The following SNX32 variants were observed in gnomAD, a reference collection of about 807,000 sequenced individuals.
SNX32 encodes the protein sorting nexin 32, also known as sorting nexin-32.
SNX32 carries 58 observed loss-of-function variants against 57.0 expected under a neutral mutation model. The observed-to-expected ratio is 1.02, with a 90% CI of 0.82 to 1.27. The LOEUF is 1.27. Ranked by LOEUF, SNX32 falls within the 50% of genes most tolerant of loss-of-function variation. The pLI is 0.00. For synonymous variants in SNX32, 262 were observed against 220.4 expected (o/e 1.19, Z -1.67); for missense variants, 589 against 541.2 (o/e 1.09, Z -0.88).
In SNX32 at chr11:65,851,125, G is replaced by C; in HGVS notation, c.674G>C (p.Cys225Ser). The C allele has an allele frequency of 1.2e-6, 2 of 1,613,418 alleles. No individual in the cohort carries two copies. The highest frequency in any genetic ancestry group is 1.7e-6 in the Non-Finnish European group (2 of 1,180,010). Residue 225 changes from cysteine to serine, a missense_variant, in exon 7 of 13, where the codon TGC becomes TCC. By Grantham distance (112) the Cys-to-Ser change is moderately radical. Coordinates refer to ENST00000308342, the MANE Select transcript of SNX32 (RefSeq NM_152760.3). ...TATCACACCCGTATCCGAGATGCCT[G>C]CCTGCGGGCCGACCGCGTCATGCGC... Reference protein sequence around the residue: ...LEYHTRIRDACLRADRVMRAH... With the variant: ...LEYHTRIRDASLRADRVMRAH...
chr11:65,850,715 C>G, intron 5 of SNX32, 36 bp from the exon 6 acceptor site: 1 of 1,603,776 alleles, frequency 6.2e-7, no homozygotes, highest in Non-Finnish European at 8.5e-7. Flanking sequence ...GGTGAGAACG[C>G]CCACCCCAGC....
intron 1 of SNX32, among the ~76,000 whole-genome samples, chr11:65,834,814 G>A (rs530855938): frequency 1.4e-4 from 21 of 148,046 alleles, no homozygotes; most frequent in East Asian, 1.0e-3. Flanking sequence ...TATGGTCTGC[G>A]TGTGTCTGTG....
rs1565253300 is a variant in SNX32, at chr11:65,850,570, T to C, written c.498+16T>C. The C allele has an allele frequency of 3.1e-6, 5 of 1,594,212 alleles. No individual in the cohort carries two copies. The highest frequency in any genetic ancestry group is 4.3e-6 in the Non-Finnish European group (5 of 1,169,958). On this transcript the variant is annotated intron_variant, in intron 5 of 12. Transcript: ENST00000308342. ...TGGACAGGATGTGAGCTGGGCCGAATCCCTGGGGTCACCCTTGGGCCAGGA... is the reference window on the plus strand; with the variant it reads ...TGGACAGGATGTGAGCTGGGCCGAACCCCTGGGGTCACCCTTGGGCCAGGA...
intron 1 of SNX32, chr11:65,835,368 G>A (rs1204107588): frequency 6.6e-6 from 1 of 152,006 alleles, no homozygotes; most frequent in Non-Finnish European, 1.5e-5. Context: ...AGGAGGGCAG[G>A]ATGTTAGGGA....
intron 4 of SNX32, 74 bp from the exon 5 acceptor site, chr11:65,850,357 C>G (rs780950018): frequency 7.6e-5 from 123 of 1,612,508 alleles, no homozygotes; most frequent in Non-Finnish European, 9.3e-5. Context: ...CAACCCTGAC[C>G]TCTGACCCCA....
At chr11:65,839,225 A>T (rs10896063) in intron 1 of SNX32, among the ~76,000 whole-genome samples, 10,515 of 26,996 alleles carry the variant, frequency 0.39, 1,501 homozygotes, top group Middle Eastern at 0.47. Context: ...ATTTTTTTGT[A>T]TTTTTTTTTT....
rs148635416 is a variant in SNX32, at chr11:65,843,427, G to A, written c.37-6051G>A. Among the ~76,000 whole-genome samples, 949 of 151,964 alleles carry A rather than the reference G, an allele frequency of 6.2e-3. 1 individual carries two copies. The highest frequency in any genetic ancestry group is 0.014 in the Middle Eastern group (4 of 294). On this transcript the variant is annotated intron_variant, in intron 1 of 12. Transcript: ENST00000308342. ...CTACTAAAAATACAGAAATTAGCCA[G>A]GCGTTGTGGCGGGCACCTGTAATTG...
chr11:65,838,212 AG>A (rs1858725839), intron 1 of SNX32, among the ~76,000 whole-genome samples: 2 of 151,886 alleles, frequency 1.3e-5, no homozygotes, highest in South Asian at 4.2e-4. Flanking sequence ...AAAAGAAGGA[AG>A]GAAGGAAGGA....
Position 65,851,785 on chromosome 11 carries a change from C to T in SNX32, c.825+106C>T, listed in dbSNP as rs1048292620. On this transcript the variant is annotated intron_variant, in intron 9 of 12. Transcript: ENST00000308342. ...AGGATCATCTTGGGTTCAGTGATAA[C>T]TTGGGCCCAGTGGCAAGTTGGGCTT... is the stretch of plus-strand genomic sequence containing the variant. 1.1e-5 allele frequency: 15 copies of T among 1,333,742 alleles called. No individual in the cohort carries two copies. The African/African-American group carries it at 1.7e-4, about 15-fold the overall frequency. The allele number at this position is 1,333,742 out of a possible 1,614,324, so 82.6% of individuals were successfully genotyped here. A position where few individuals can be genotyped will look rare whatever the true frequency, so the allele number is the denominator to read the frequency against.
chr11:65,850,950 T>C, intron 6 of SNX32, 95 bp downstream of exon 6: 1 of 1,494,852 alleles, frequency 6.7e-7, no homozygotes, highest in South Asian at 1.1e-5. Context: ...AAGCCACTGG[T>C]GGGGCCTGGC....
chr11:65,840,366 A>G (rs1050778557), intron 1 of SNX32, among the ~76,000 whole-genome samples: 1 of 152,178 alleles, frequency 6.6e-6, no homozygotes, highest in Non-Finnish European at 1.5e-5. Flanking sequence ...GATTAGGAAC[A>G]TGTCATCATA....
intron 1 of SNX32, chr11:65,835,781 G>A (rs7107912): frequency 0.4 from 60,627 of 152,022 alleles, 14,240 homozygotes; most frequent in Middle Eastern, 0.6. Flanking sequence ...GGCAAGGGGA[G>A]AGCCTGCCTT....
At chr11:65,849,618 G>A (rs1328420434) in intron 2 of SNX32, 36 bp downstream of exon 2, 4 of 1,546,272 alleles carry the variant, frequency 2.6e-6, no homozygotes, top group Non-Finnish European at 3.5e-6. Context: ...AGGTCCTGGT[G>A]GCTGCCCGCA....
In SNX32 at chr11:65,853,405, C is replaced by A. The variant is rs1240994591; in HGVS notation, c.*70C>A. ...CCAGGGTATCCCAGACCCCTCTCTC[C>A]GGCAAGATGTCTCCTTCCCTAGCAG... On this transcript the variant is annotated 3_prime_UTR_variant, in exon 13 of 13. Coordinates refer to ENST00000308342, the MANE Select transcript of SNX32 (RefSeq NM_152760.3). 6.7e-7 allele frequency: 1 copy of A among 1,482,324 alleles called. No individual in the cohort carries two copies. The highest frequency in any genetic ancestry group is 1.1e-5 in the South Asian group (1 of 88,348). 91.8% of individuals were successfully genotyped at this position (1,482,324 alleles called of 1,614,324 possible).
intron 1 of SNX32, among the ~76,000 whole-genome samples, chr11:65,838,205 A>C (rs369270402): frequency 6.6e-6 from 1 of 151,102 alleles, no homozygotes; most frequent in South Asian, 2.1e-4. Flanking sequence ...AAGGAAGAAA[A>C]GAAGGAAGGA....
rs1555032605 is a variant in SNX32 at position 65,839,215 on chromosome 11, A to ATTTTTTTTTTTTTTTTTTTTTTTTTT, written c.36+5121_36+5122insTTTTTTTTTTTTTTTTTTTTTTTTTT. On this transcript the variant is annotated intron_variant, in intron 1 of 12. Transcript: ENST00000308342. ...AGCTGTGCCCCACCACGCCCAGCTA[A>ATTTTTTTTTTTTTTTTTTTTTTTTTT]TTTTTTTGTATTTTTTTTTTTTTTT... is the stretch of plus-strand genomic sequence containing the variant. Among the ~76,000 whole-genome samples, 5 of 19,510 alleles carry ATTTTTTTTTTTTTTTTTTTTTTTTTT rather than the reference A, an allele frequency of 2.6e-4. 1 individual carries two copies. The highest frequency in any genetic ancestry group is 4.8e-4 in the Non-Finnish European group (4 of 8,382). The allele number at this position is 19,510 out of a possible 152,430, so 12.8% of individuals were successfully genotyped here.
rs144856125 is a variant in SNX32 at position 65,851,832 on chromosome 11, A to G, written c.825+153A>G. On this transcript the variant is annotated intron_variant, in intron 9 of 12. Transcript: ENST00000308342. ...GCTTACACTCCAGACTAGTTTAACA[A>G]AAGGTGGGGTGAAGACAAGGATCCA... Among the ~76,000 whole-genome samples the G allele has an allele frequency of 6.4e-4, 97 of 152,194 alleles. 1 individual carries two copies. In the East Asian group the frequency reaches 0.015, roughly 23 times the overall value.
chr11:65,833,967 G>C lies in SNX32; in HGVS notation c.-99G>C. On this transcript the variant is annotated 5_prime_UTR_variant, in exon 1 of 13. Coordinates refer to ENST00000308342, the MANE Select transcript of SNX32 (RefSeq NM_152760.3). ...CGGGCGGGGGAGAGCGTCCCCGTCA[G>C]CTGAGAGCATCCTCACTCGGTCAGT... 7.2e-7 allele frequency: 1 copy of C among 1,384,154 alleles called. No homozygotes were observed. Among genetic ancestry groups the C allele is most frequent in the East Asian group, 2.6e-5 (1 of 37,840 alleles). The allele number at this position is 1,384,154 out of a possible 1,614,324, so 85.7% of individuals were successfully genotyped here.
chr11:65,852,916 G>T lies in SNX32; in HGVS notation c.1116G>T (p.Lys372Asn). ...CCCGCCGGGTCTCCTCTTTTCGAAA[G>T]AATCTCATTGAGCTGGCAGAGCTGG... ...FKSRRVSSFRKNLIELAELEL... is the reference protein window; with the variant it reads ...FKSRRVSSFRNNLIELAELEL... The change falls in exon 12 of 13, where the codon AAG becomes AAT. Residue 372 changes from lysine (K) to asparagine (N), a missense_variant. Lys to Asn is a moderately conservative substitution (Grantham distance 94). Coordinates refer to ENST00000308342, the MANE Select transcript of SNX32 (RefSeq NM_152760.3). 1 of 1,614,172 alleles carries T rather than the reference G, an allele frequency of 6.2e-7. No individual in the cohort carries two copies. The highest frequency in any genetic ancestry group is 1.1e-5 in the South Asian group (1 of 91,086).
Sources: gnomAD v4.1 joint callset for allele counts (sites outside exome capture counted in the v4.1 genomes callset) on GRCh38, gnomAD v4.1.1 for gene constraint, MANE v1.5 for transcripts, NCBI Gene and HGNC (gene_info 2026-07-23, HGNC 2026-07-21) for gene names.